PIK3CA: variants seen among roughly 807,000 people sequenced by gnomAD.
PIK3CA encodes the protein phosphatidylinositol 4,5-bisphosphate 3-kinase catalytic subunit alpha isoform.
A neutral mutation model predicts 138.2 loss-of-function variants in PIK3CA; 27 were observed. That is an observed-to-expected ratio of 0.20 (90% CI 0.14 to 0.27). The LOEUF (loss-of-function observed/expected upper bound fraction) is 0.27, where lower values mean the gene tolerates loss of function less well. PIK3CA is among the 10% of genes least tolerant of loss of function. PIK3CA has a pLI of 1.00. For missense variants in PIK3CA, 544 were observed against 1,277.4 expected, an observed-to-expected ratio of 0.43 and a Z score of 8.75; for synonymous variants, 358 against 413.2, an observed-to-expected ratio of 0.87 and a Z score of 1.62.
chr3:179,203,682 A>G lies in PIK3CA; in HGVS notation c.952A>G (p.Met318Val). Residue 318 changes from methionine (M) to valine (V), a missense_variant, in exon 5 of 21, where the codon ATG becomes GTG. Coordinates refer to ENST00000263967, the MANE Select transcript of PIK3CA (RefSeq NM_006218.4). Reference sequence around the variant, plus strand: ...ACGCATTTCCACAGCTACACCATATATGAATGGAGAAACATCTACAAAATC... The same window carrying G: ...ACGCATTTCCACAGCTACACCATATGTGAATGGAGAAACATCTACAAAATC... Reference protein sequence around the residue: ...SRRISTATPYMNGETSTKSLW... With the variant: ...SRRISTATPYVNGETSTKSLW... The G allele has an allele frequency of 1.2e-6, 2 of 1,613,948 alleles. No homozygotes were observed. The highest frequency in any genetic ancestry group is 4.5e-5 in the East Asian group (2 of 44,864).
intron 1 of PIK3CA, among the ~76,000 whole-genome samples, chr3:179,180,554 T>C (rs1271751122): frequency 2.0e-5 from 3 of 151,128 alleles, no homozygotes; most frequent in African/African-American, 7.4e-5. Context: ...TAGAGAAGAT[T>C]GAAAAAAAAA....
At chr3:179,190,974 A>T (rs562125336) in intron 1 of PIK3CA, among the ~76,000 whole-genome samples, 1 of 152,330 alleles carries the variant, frequency 6.6e-6, no homozygotes, top group South Asian at 2.1e-4. Context: ...TCAGAAGAAT[A>T]GGTGAAAAGT....
chr3:179,199,647 G>A (rs1560137557), intron 2 of PIK3CA, 43 bp from the exon 3 acceptor site: 1 of 1,336,686 alleles, frequency 7.5e-7, no homozygotes, highest in East Asian at 2.3e-5. Context: ...TTCATGCTGT[G>A]TATGTAATAG....
At chr3:179,210,615 T>C (rs1257248317) in intron 9 of PIK3CA, 50 bp downstream of exon 9, 1 of 1,561,554 alleles carries the variant, frequency 6.4e-7, no homozygotes, top group South Asian at 1.1e-5. Flanking sequence ...TCTGTGGATT[T>C]AGGTAGATAC....
intron 1 of PIK3CA, among the ~76,000 whole-genome samples, chr3:179,169,393 C>T (rs577513107): frequency 1.2e-4 from 18 of 151,952 alleles, no homozygotes; most frequent in African/African-American, 3.1e-4. Context: ...GAAGAATTGA[C>T]ATTTTGGGAA....
rs1435775251 is a variant in PIK3CA at position 179,229,259 on chromosome 3, A to G, written c.2496-13A>G. ...TCCATCATTTAATTGTAAACGTGTTACTCCTCTTTCAGAATGTTACCTTAT... is the reference window on the plus strand; with the variant it reads ...TCCATCATTTAATTGTAAACGTGTTGCTCCTCTTTCAGAATGTTACCTTAT... On this transcript the variant is annotated splice_polypyrimidine_tract_variant and intron_variant, in intron 17 of 20. Transcript: ENST00000263967. The G allele has an allele frequency of 1.9e-6, 3 of 1,597,408 alleles. No individual in the cohort carries two copies. The highest frequency in any genetic ancestry group is 2.6e-6 in the Non-Finnish European group (3 of 1,169,536).
chr3:179,172,144 G>C (rs182376990), intron 1 of PIK3CA, among the ~76,000 whole-genome samples: 1 of 152,050 alleles, frequency 6.6e-6, no homozygotes, highest in Non-Finnish European at 1.5e-5. Context: ...TGAAAAAAAA[G>C]TGATCATCTC....
rs1725409368 is a variant in PIK3CA, at chr3:179,239,956, T to A, written c.*5592T>A. On this transcript the variant is annotated 3_prime_UTR_variant, in exon 21 of 21. Transcript: ENST00000263967. ...CACTAAATTTAAGACCTCTTCCCAG[T>A]CTTGCTGTTCCTAGCAAGAAGTTTG... The A allele has an allele frequency of 7.8e-7, 1 of 1,275,090 alleles. No individual in the cohort carries two copies. Among genetic ancestry groups the A allele is most frequent in the Non-Finnish European group, 1.1e-6 (1 of 908,612 alleles). 79.0% of individuals were successfully genotyped at this position (1,275,090 alleles called of 1,614,324 possible). A position where few individuals can be genotyped will look rare whatever the true frequency, so the allele number is the denominator to read the frequency against.
chr3:179,155,902 A>G (rs1218686495), intron 1 of PIK3CA, among the ~76,000 whole-genome samples: 1 of 152,198 alleles, frequency 6.6e-6, no homozygotes, highest in East Asian at 1.9e-4. Flanking sequence ...ATCAGAAAAC[A>G]CGGTTTTTCC....
chr3:179,187,038 G>T (rs1252572155), intron 1 of PIK3CA, among the ~76,000 whole-genome samples: 3 of 148,660 alleles, frequency 2.0e-5, no homozygotes, highest in Admixed American at 2.0e-4. Context: ...TAAGGGAAGT[G>T]TTTTTTTTTT....
In PIK3CA at chr3:179,148,441, G is replaced by C. The variant is rs1285836316; in HGVS notation, c.-239G>C. The C allele has an allele frequency of 6.6e-6, 1 of 151,038 alleles. No individual in the cohort carries two copies. Among genetic ancestry groups the C allele is most frequent in the Non-Finnish European group, 1.5e-5 (1 of 67,654 alleles). The allele number at this position is 151,038 out of a possible 1,614,324, so 9.4% of individuals were successfully genotyped here. A position where few individuals can be genotyped will look rare whatever the true frequency, so the allele number is the denominator to read the frequency against. ...GGACTGGGGCTGGGGCCGCCGGCGAGGCAGGGCTCGGGCCCGGCCGGGCAG... is the reference window on the plus strand; with the variant it reads ...GGACTGGGGCTGGGGCCGCCGGCGACGCAGGGCTCGGGCCCGGCCGGGCAG... On this transcript the variant is annotated 5_prime_UTR_variant, in exon 1 of 21. Coordinates refer to ENST00000263967, the MANE Select transcript of PIK3CA (RefSeq NM_006218.4).
chr3:179,231,003 A>T (rs1725198359), intron 20 of PIK3CA, among the ~76,000 whole-genome samples: 1 of 152,096 alleles, frequency 6.6e-6, no homozygotes, highest in Admixed American at 6.6e-5. Flanking sequence ...GAGTCTCTGT[A>T]GTCCATTATA....
At chr3:179,229,502 G>A (rs536886216) in intron 18 of PIK3CA, 60 bp downstream of exon 18, 202 of 1,313,208 alleles carry the variant, frequency 1.5e-4, no homozygotes, top group Non-Finnish European at 1.9e-4. Context: ...TGAGTCTGTC[G>A]GTGTTTGTGT....
intron 1 of PIK3CA, among the ~76,000 whole-genome samples, chr3:179,180,170 G>A (rs1352475659): frequency 6.6e-6 from 1 of 152,146 alleles, no homozygotes; most frequent in Non-Finnish European, 1.5e-5. Context: ...CAATTCTAGT[G>A]ACACTGTAGA....
At chr3:179,158,529 T>C (rs926819781) in intron 1 of PIK3CA, among the ~76,000 whole-genome samples, 13 of 152,180 alleles carry the variant, frequency 8.5e-5, no homozygotes, top group Admixed American at 6.5e-4. Context: ...AAGAGTTGTG[T>C]CGTATTGTCA....
At chr3:179,210,753 C>T (rs1338537062) in intron 9 of PIK3CA, among the ~76,000 whole-genome samples, 188 bp downstream of exon 9, 1 of 152,116 alleles carries the variant, frequency 6.6e-6, no homozygotes, top group Non-Finnish European at 1.5e-5. Context: ...TTTTAAAGCC[C>T]TAGCTTGCCT....
In PIK3CA at chr3:179,230,139, T is replaced by G. The variant is rs201601233; in HGVS notation, c.2784+18T>G. ...ATGGACAAGTAATGGTTTTCTCTGT[T>G]TAAAATGTTTTGGTGTTCTTAATTT... On this transcript the variant is annotated intron_variant, in intron 19 of 20. Coordinates refer to ENST00000263967, the MANE Select transcript of PIK3CA (RefSeq NM_006218.4). This position sits in a 1 kb window ranked among gnomAD's most constrained non-coding sequence, Gnocchi z 5.4. 6.3e-7 allele frequency: 1 copy of G among 1,587,480 alleles called. No homozygotes were observed. Among genetic ancestry groups the G allele is most frequent in the Non-Finnish European group, 8.6e-7 (1 of 1,156,220 alleles).
intron 8 of PIK3CA, 26 bp from the exon 9 acceptor site, chr3:179,210,405 A>G (rs1286269016): frequency 2.5e-6 from 4 of 1,608,556 alleles, no homozygotes; most frequent in East Asian, 4.5e-5. Flanking sequence ...TTATGTATAT[A>G]TAATAGCTTT....
chr3:179,174,727 T>G (rs1238587760), intron 1 of PIK3CA, among the ~76,000 whole-genome samples: 1 of 152,232 alleles, frequency 6.6e-6, no homozygotes, highest in Non-Finnish European at 1.5e-5. Context: ...ATCCTATATT[T>G]AATCATTACT....
Sources: allele counts gnomAD v4.1 joint callset (sites outside exome capture counted in the v4.1 genomes callset), GRCh38; gene constraint gnomAD v4.1.1; non-coding constraint Gnocchi (gnomAD v3.1); transcripts MANE v1.5; gene names NCBI Gene and HGNC (gene_info 2026-07-23, HGNC 2026-07-21).